DNAJC6: variants seen among roughly 807,000 people sequenced by gnomAD.
DNAJC6 encodes auxilin.
A neutral mutation model predicts 110.0 loss-of-function variants in DNAJC6; 34 were observed. The ratio of observed to expected loss-of-function variants is 0.31; its 90% CI spans 0.24 to 0.41. The LOEUF (loss-of-function observed/expected upper bound fraction) is 0.41. Among genes scored for constraint, DNAJC6 ranks in the 10% least tolerant of loss-of-function variants. The pLI is 1.00. For synonymous variants in DNAJC6, 406 were observed against 437.2 expected (o/e 0.93, Z 0.89); for missense variants, 1,031 against 1,207.8 (o/e 0.85, Z 2.17).
intron 1 of DNAJC6, among the ~76,000 whole-genome samples, chr1:65,301,756 G>A (rs1364818384): frequency 2.6e-5 from 4 of 152,074 alleles, no homozygotes; most frequent in African/African-American, 9.7e-5. Flanking sequence ...TCATTGGGTA[G>A]GCATGATTGA....
At chr1:65,315,915 A>G (rs931350143) in intron 1 of DNAJC6, among the ~76,000 whole-genome samples, 2 of 152,222 alleles carry the variant, frequency 1.3e-5, no homozygotes, top group Admixed American at 6.5e-5. Flanking sequence ...GAGAGAACCA[A>G]AATGAGTTCA....
chr1:65,341,724 G>C (rs1232031850), intron 1 of DNAJC6, among the ~76,000 whole-genome samples: 1 of 152,004 alleles, frequency 6.6e-6, no homozygotes, highest in African/African-American at 2.4e-5. Context: ...TGGAATGCTG[G>C]TGCATGTGGC....
intron 1 of DNAJC6, among the ~76,000 whole-genome samples, chr1:65,336,554 A>T (rs1645339035): frequency 6.6e-6 from 1 of 152,236 alleles, no homozygotes; most frequent in Non-Finnish European, 1.5e-5. Flanking sequence ...TTCGACAATT[A>T]TCCACTAATG....
At chr1:65,357,842 G>A (rs1203473614) in intron 1 of DNAJC6, among the ~76,000 whole-genome samples, 3 of 152,164 alleles carry the variant, frequency 2.0e-5, no homozygotes, top group Non-Finnish European at 4.4e-5. Context: ...GAATAGCATA[G>A]CACTTGGCTC....
intron 8 of DNAJC6, among the ~76,000 whole-genome samples, chr1:65,387,313 A>G (rs1172706921): frequency 6.6e-6 from 1 of 152,246 alleles, no homozygotes; most frequent in Non-Finnish European, 1.5e-5. Flanking sequence ...AGATAAAACC[A>G]CATAACATAA....
chr1:65,329,544 G>A (rs6657582), intron 1 of DNAJC6, among the ~76,000 whole-genome samples: 111,260 of 151,466 alleles, frequency 0.73, 40,882 homozygotes, highest in East Asian at 0.83. Flanking sequence ...TATTTATACA[G>A]TATTCCCACT....
chr1:65,366,805 T>A (rs1645651147), intron 4 of DNAJC6, among the ~76,000 whole-genome samples: 1 of 152,202 alleles, frequency 6.6e-6, no homozygotes. Flanking sequence ...TAAATATTTT[T>A]GACTTAGCCT....
intron 9 of DNAJC6, 62 bp from the exon 10 acceptor site, chr1:65,389,194 C>G: frequency 6.8e-7 from 1 of 1,477,520 alleles, no homozygotes; most frequent in Non-Finnish European, 9.3e-7. Context: ...GACTTCTGTG[C>G]CAAACATCAT....
At chr1:65,347,424 T>G (rs1205839107) in intron 1 of DNAJC6, among the ~76,000 whole-genome samples, 1 of 151,892 alleles carries the variant, frequency 6.6e-6, no homozygotes, top group Non-Finnish European at 1.5e-5. Context: ...TTTTACTTCA[T>G]CAGCCTCAAT....
intron 1 of DNAJC6, among the ~76,000 whole-genome samples, chr1:65,289,112 GTACCAAGT>G (rs1654112741): frequency 6.6e-6 from 1 of 152,112 alleles, no homozygotes; most frequent in Admixed American, 6.5e-5. Context: ...CAAAGTGGTT[GTACCAAGT>G]TTTACTCCTC....
intron 1 of DNAJC6, among the ~76,000 whole-genome samples, chr1:65,275,991 C>T (rs1295582414): frequency 6.6e-6 from 1 of 151,084 alleles, no homozygotes; most frequent in Non-Finnish European, 1.5e-5. Flanking sequence ...TGGGTTCAAG[C>T]GATCTTCAGC....
intron 4 of DNAJC6, among the ~76,000 whole-genome samples, chr1:65,368,320 A>G (rs915931507): frequency 1.3e-5 from 2 of 151,848 alleles, no homozygotes; most frequent in Non-Finnish European, 2.9e-5. Flanking sequence ...TCTAGCCTCT[A>G]TCTGCTCCTC....
At chr1:65,387,279 T>C (rs1295790171) in intron 8 of DNAJC6, among the ~76,000 whole-genome samples, 4 of 152,246 alleles carry the variant, frequency 2.6e-5, no homozygotes, top group Non-Finnish European at 5.9e-5. Flanking sequence ...TAAGGGATTG[T>C]ATTTTTTCAA....
At chr1:65,311,225 T>TTG (rs1201142132) in intron 1 of DNAJC6, among the ~76,000 whole-genome samples, 1 of 134,414 alleles carries the variant, frequency 7.4e-6, no homozygotes, top group Non-Finnish European at 1.6e-5. Context: ...GTTTTTTTTT[T>TTG]TTTTTTTTTT....
chr1:65,349,301 T>C (rs1645469297), intron 1 of DNAJC6, among the ~76,000 whole-genome samples: 1 of 151,824 alleles, frequency 6.6e-6, no homozygotes, highest in Non-Finnish European at 1.5e-5. Flanking sequence ...TTCATCTGTG[T>C]AATAACACCA....
chr1:65,295,060 CATA>C (rs1331274577), intron 1 of DNAJC6, among the ~76,000 whole-genome samples: 1 of 152,148 alleles, frequency 6.6e-6, no homozygotes, highest in East Asian at 1.9e-4. Context: ...GTGAGGAAAT[CATA>C]ATAACTTCAG....
chr1:65,356,667 T>G (rs1009795971), intron 1 of DNAJC6, among the ~76,000 whole-genome samples: 8 of 152,042 alleles, frequency 5.3e-5, no homozygotes, highest in African/African-American at 1.9e-4. Context: ...AAAATCACAA[T>G]GTCATGCGTG....
At chr1:65,319,083 A>G (rs1038010837) in intron 1 of DNAJC6, among the ~76,000 whole-genome samples, 3 of 152,192 alleles carry the variant, frequency 2.0e-5, no homozygotes, top group Non-Finnish European at 2.9e-5. Context: ...AGCATTGCAC[A>G]GGTGAATGAC....
chr1:65,279,230 G>T, intron 1 of DNAJC6: 2 of 909,516 alleles, frequency 2.2e-6, no homozygotes, highest in Non-Finnish European at 2.6e-6. Flanking sequence ...GTGGCGTGCA[G>T]AGATTGAACC....
Sources: gnomAD v4.1 joint callset for allele counts (sites outside exome capture counted in the v4.1 genomes callset) on GRCh38, gnomAD v4.1.1 for gene constraint, MANE v1.5 for transcripts, NCBI Gene and HGNC (gene_info 2026-07-23, HGNC 2026-07-21) for gene names.